Variants in BEND6 observed in about 807,000 individuals in gnomAD.
BEND6 encodes BEN domain containing 6, also known as BEN domain-containing protein 6.
In BEND6, 24 loss-of-function variants were observed where a neutral mutation model predicts 31.8. The ratio of observed to expected loss-of-function variants is 0.75; its 90% CI spans 0.55 to 1.06. The LOEUF (loss-of-function observed/expected upper bound fraction) is 1.06. Ranked by LOEUF, BEND6 falls within the 50% of genes least tolerant of loss-of-function variation. The pLI is 0.00. For missense variants in BEND6, 294 were observed against 327.4 expected (o/e 0.90, Z 0.79); for synonymous variants, 109 against 114.6 (o/e 0.95, Z 0.31).
At chr6:56,996,262 C>T (rs544211867) in intron 3 of BEND6, among the ~76,000 whole-genome samples, 32 of 152,110 alleles carry the variant, frequency 2.1e-4, no homozygotes, top group African/African-American at 6.7e-4. Context: ...ACCTGGGCAA[C>T]GTGACAAAAC....
chr6:57,012,642 C>T (rs1446757274), intron 3 of BEND6, among the ~76,000 whole-genome samples: 4 of 152,020 alleles, frequency 2.6e-5, no homozygotes, highest in African/African-American at 9.7e-5. Context: ...GCAAAATATT[C>T]ACCTTACCAT....
chr6:57,015,911 G>A (rs1827544419), intron 4 of BEND6, among the ~76,000 whole-genome samples: 1 of 151,946 alleles, frequency 6.6e-6, no homozygotes, highest in Non-Finnish European at 1.5e-5. Flanking sequence ...CTTCTCTGAG[G>A]AAGTCAAGAT....
intron 1 of BEND6, among the ~76,000 whole-genome samples, chr6:56,957,786 G>T (rs753705488): frequency 5.3e-5 from 8 of 152,164 alleles, no homozygotes; most frequent in Non-Finnish European, 1.2e-4. Flanking sequence ...AGACAAAATA[G>T]TTGGGAAAGA....
intron 3 of BEND6, among the ~76,000 whole-genome samples, chr6:57,005,666 C>T (rs570959121): frequency 5.1e-4 from 74 of 146,394 alleles, no homozygotes; most frequent in African/African-American, 1.8e-3. Flanking sequence ...GGCGACAGAG[C>T]GAGACTCCAT....
intron 3 of BEND6, among the ~76,000 whole-genome samples, chr6:57,002,487 C>CA (rs1234730870): frequency 6.6e-6 from 1 of 151,868 alleles, no homozygotes; most frequent in Non-Finnish European, 1.5e-5. Context: ...TCAATAAATT[C>CA]AAAAAAATTG....
In BEND6 at chr6:57,017,287, T is replaced by C; in HGVS notation, c.600T>C (p.Leu200=). Residue 200 remains leucine (L), a synonymous_variant, in exon 5 of 7, where the codon CTT becomes CTC. Transcript: ENST00000370746. ...TTATTAATGATTTAATGCAAGTACT[T>C]TACACAAATGAATACATGGCCACTC... ...QKFINDLMQV[L]YTNEYMATHS... is the part of the protein sequence containing the mutation. 1 of 1,547,246 alleles carries C rather than the reference T, an allele frequency of 6.5e-7. No homozygotes were observed. Among genetic ancestry groups the C allele is most frequent in the Non-Finnish European group, 8.7e-7 (1 of 1,147,252 alleles).
At chr6:57,004,549 C>T (rs1015689530) in intron 3 of BEND6, 1 of 826,522 alleles carries the variant, frequency 1.2e-6, no homozygotes, top group South Asian at 1.3e-5. Flanking sequence ...CCACATGCCC[C>T]TCACAGGTGC....
chr6:56,987,092 C>T (rs1326305012), intron 2 of BEND6, among the ~76,000 whole-genome samples: 4 of 151,768 alleles, frequency 2.6e-5, no homozygotes, highest in Non-Finnish European at 5.9e-5. Context: ...ATTCTCGTGC[C>T]TCAGCCTCCC....
chr6:56,998,124 A>G (rs1826794462), intron 3 of BEND6, among the ~76,000 whole-genome samples: 1 of 152,196 alleles, frequency 6.6e-6, no homozygotes, highest in Non-Finnish European at 1.5e-5. Context: ...GTGGTTTACA[A>G]TGTTAACGGC....
intron 2 of BEND6, among the ~76,000 whole-genome samples, chr6:56,990,111 A>AT (rs1245330862): frequency 1.4e-4 from 21 of 149,454 alleles, no homozygotes; most frequent in East Asian, 2.0e-4. Context: ...ATTTCCTTTC[A>AT]TTTTTTTTTC....
chr6:57,018,171 G>A (rs1295490429), intron 5 of BEND6, among the ~76,000 whole-genome samples: 2 of 152,172 alleles, frequency 1.3e-5, no homozygotes, highest in African/African-American at 4.8e-5. Flanking sequence ...TTTAAAGCAA[G>A]TAGGAGGATT....
intron 1 of BEND6, among the ~76,000 whole-genome samples, chr6:56,957,170 G>A (rs1346322575): frequency 6.6e-6 from 1 of 152,176 alleles, no homozygotes; most frequent in Non-Finnish European, 1.5e-5. Flanking sequence ...TAGCACAACT[G>A]TTATCATCCT....
At chr6:56,977,308 T>G (rs1317351921) in intron 1 of BEND6, among the ~76,000 whole-genome samples, 1 of 152,206 alleles carries the variant, frequency 6.6e-6, no homozygotes, top group Non-Finnish European at 1.5e-5. Context: ...TGCTCAGTTG[T>G]TTTTTATTTG....
chr6:57,001,627 T>C (rs1463756805), intron 3 of BEND6, among the ~76,000 whole-genome samples: 1 of 152,254 alleles, frequency 6.6e-6, no homozygotes, highest in Non-Finnish European at 1.5e-5. Flanking sequence ...AAGAGGTACA[T>C]ATCCTGAGAA....
At position 57,004,364 on chromosome 6, in the gene BEND6, C is replaced by G. The variant is rs549602553; in HGVS notation, c.299-10769C>G. 8.5e-5 allele frequency among the ~76,000 whole-genome samples: 13 copies of G among 152,278 alleles called. No individual in the cohort carries two copies. The South Asian group carries it at 1.9e-3, about 22-fold the overall frequency. ...TAAATGTAGGCCAGACTTTCTTCAC[C>G]GTGGGTCCCCAAGGTTTCCTGCTTC... On this transcript the variant is annotated intron_variant, in intron 3 of 6. Coordinates refer to ENST00000370746, the MANE Select transcript of BEND6 (RefSeq NM_152731.3).
At chr6:57,004,177 A>T (rs1827061100) in intron 3 of BEND6, among the ~76,000 whole-genome samples, 2 of 152,222 alleles carry the variant, frequency 1.3e-5, no homozygotes, top group African/African-American at 4.8e-5. Context: ...TGGTAGCCAG[A>T]ACAATGAAGC....
chr6:56,969,478 C>G (rs534697391), intron 1 of BEND6, among the ~76,000 whole-genome samples: 1 of 152,282 alleles, frequency 6.6e-6, no homozygotes, highest in African/African-American at 2.4e-5. Context: ...AGAGGGGAGT[C>G]TTCAGTTCAT....
chr6:56,982,360 A>G (rs780486743), intron 2 of BEND6, among the ~76,000 whole-genome samples: 2 of 152,180 alleles, frequency 1.3e-5, no homozygotes, highest in Non-Finnish European at 2.9e-5. Flanking sequence ...CTCTCCCCAA[A>G]TACTGAAGAA....
intron 3 of BEND6, among the ~76,000 whole-genome samples, chr6:56,997,816 T>C (rs1826780718): frequency 6.6e-6 from 1 of 152,150 alleles, no homozygotes; most frequent in African/African-American, 2.4e-5. Flanking sequence ...CCTCCAAAAG[T>C]GCTGGGATTA....
Sources: gnomAD v4.1 joint callset for allele counts (sites outside exome capture counted in the v4.1 genomes callset) on GRCh38, gnomAD v4.1.1 for gene constraint, MANE v1.5 for transcripts, NCBI Gene and HGNC (gene_info 2026-07-23, HGNC 2026-07-21) for gene names.